LCP2: variants seen among roughly 807,000 people sequenced by gnomAD.
LCP2 encodes the protein 76 kDa tyrosine phosphoprotein.
A neutral mutation model predicts 74.5 loss-of-function variants in LCP2; 29 were observed. That is an observed-to-expected ratio of 0.39 (90% CI 0.29 to 0.53). LCP2 has a LOEUF of 0.53. Ranked by LOEUF, LCP2 falls within the 20% of genes least tolerant of loss-of-function variation. The probability of loss-of-function intolerance (pLI) is 0.72; values close to 1 mark genes in which losing one functional copy is unlikely to be tolerated. For missense variants in LCP2, 604 were observed against 634.6 expected (o/e 0.95, Z 0.52); for synonymous variants, 228 against 229.5 (o/e 0.99, Z 0.06).
intron 3 of LCP2, among the ~76,000 whole-genome samples, chr5:170,276,249 G>C (rs1031103884): frequency 2.0e-5 from 3 of 152,146 alleles, no homozygotes; most frequent in Non-Finnish European, 4.4e-5. Flanking sequence ...TGGGGCTGAG[G>C]TCCCCTGGCT....
intron 13 of LCP2, 130 bp downstream of exon 13, chr5:170,262,505 G>A: frequency 1.6e-6 from 1 of 644,022 alleles, no homozygotes; most frequent in Non-Finnish European, 2.7e-6. Flanking sequence ...CATCCCTCAA[G>A]CCACAGCAAG....
At position 170,283,416 on chromosome 5, in the gene LCP2, C is replaced by A. The variant is rs73804028; in HGVS notation, c.188+4554G>T. On this transcript the variant is annotated intron_variant, in intron 3 of 20. Coordinates refer to ENST00000046794, the MANE Select transcript of LCP2 (RefSeq NM_005565.5). ...AAAAGGATCTTCCAAGCTGAAAGTG[C>A]CTTCTTTATCTCTGTCCTTCCACTG... 6.6e-3 allele frequency among the ~76,000 whole-genome samples: 1,012 copies of A among 152,308 alleles called. 10 individuals carry two copies. Among genetic ancestry groups the A allele is most frequent in the African/African-American group, 0.023 (968 of 41,564 alleles).
chr5:170,294,848 G>C (rs552977467), intron 1 of LCP2, among the ~76,000 whole-genome samples: 2 of 152,340 alleles, frequency 1.3e-5, no homozygotes, highest in African/African-American at 4.8e-5. Flanking sequence ...ATTTTGAAGA[G>C]TGCTAACTTT....
chr5:170,289,277 T>C (rs1309685205), intron 2 of LCP2, among the ~76,000 whole-genome samples: 3 of 152,226 alleles, frequency 2.0e-5, no homozygotes, highest in Non-Finnish European at 4.4e-5. Flanking sequence ...TTACTACCCC[T>C]GGTGGGGAAG....
intron 3 of LCP2, among the ~76,000 whole-genome samples, chr5:170,283,803 T>C (rs1230590142): frequency 6.6e-6 from 1 of 152,212 alleles, no homozygotes; most frequent in Non-Finnish European, 1.5e-5. Context: ...GCCTCTGTAA[T>C]ATGTTCCCAT....
At chr5:170,295,364 G>A (rs1468182697) in intron 1 of LCP2, among the ~76,000 whole-genome samples, 1 of 152,178 alleles carries the variant, frequency 6.6e-6, no homozygotes, top group Non-Finnish European at 1.5e-5. Context: ...GAAGGAACAC[G>A]CATTAGGATC....
Position 170,256,160 on chromosome 5 carries a change from C to CATGT in LCP2, c.1150+362_1150+365dup. Among the ~76,000 whole-genome samples, 1 of 151,964 alleles carries CATGT rather than the reference C, an allele frequency of 6.6e-6. No individual in the cohort carries two copies. Among genetic ancestry groups the CATGT allele is most frequent in the Middle Eastern group, 3.4e-3 (1 of 294 alleles). On this transcript the variant is annotated intron_variant, in intron 17 of 20. Transcript: ENST00000046794. The surrounding 1 kb of genome is among the most constrained non-coding windows in gnomAD (Gnocchi z 4.5). ...CTGGTGAAGTGTGTGTAGGTGTGTC[C>CATGT]ATGTATGTATGTGTGTATGCATGTG...
At chr5:170,277,240 G>A (rs1268646745) in intron 3 of LCP2, among the ~76,000 whole-genome samples, 1 of 152,026 alleles carries the variant, frequency 6.6e-6, no homozygotes, top group East Asian at 1.9e-4. Context: ...TTCCCTTTCT[G>A]CTGCAAGCTC....
intron 2 of LCP2, among the ~76,000 whole-genome samples, chr5:170,290,882 C>A (rs315725): frequency 0.082 from 12,240 of 149,574 alleles, 711 homozygotes; most frequent in African/African-American, 0.16. Context: ...AAGGATCTAA[C>A]CTTTTCAGTG....
chr5:170,289,861 C>T (rs1286562913), intron 2 of LCP2, among the ~76,000 whole-genome samples: 3 of 151,128 alleles, frequency 2.0e-5, no homozygotes, highest in East Asian at 3.9e-4. Flanking sequence ...GGAGTTGAAG[C>T]CTTCCTAAGG....
intron 3 of LCP2, among the ~76,000 whole-genome samples, chr5:170,284,024 G>A (rs920001250): frequency 6.6e-6 from 1 of 152,210 alleles, no homozygotes; most frequent in African/African-American, 2.4e-5. Context: ...TGAGTGTCCT[G>A]AGGATGAGGA....
rs1762017478 is a variant in LCP2, at chr5:170,276,983, G to A, written c.189-1123C>T. On this transcript the variant is annotated intron_variant, in intron 3 of 20. Transcript: ENST00000046794. The stretch of plus-strand genomic sequence containing the variant: ...CCCAGCTACTTGGGAGACTGAGGCA[G>A]AAGAATCACTTGAACCTGGGAGGTG... Among the ~76,000 whole-genome samples, 3 of 147,684 alleles carry A rather than the reference G, an allele frequency of 2.0e-5. No homozygotes were observed. The South Asian group carries it at 6.5e-4, about 32-fold the overall frequency.
chr5:170,266,923 A>C (rs1369246123), intron 9 of LCP2, 32 bp from the exon 10 acceptor site: 1 of 1,608,026 alleles, frequency 6.2e-7, no homozygotes, highest in African/African-American at 1.3e-5. Context: ...ATCAATTAAA[A>C]GAAGAAAGCA....
At chr5:170,262,911 A>G (rs778355801) in intron 11 of LCP2, 50 bp from the exon 12 acceptor site, 1 of 1,614,060 alleles carries the variant, frequency 6.2e-7, no homozygotes, top group South Asian at 1.1e-5. Flanking sequence ...TTTTCAAAGA[A>G]TAAGGACAAG....
chr5:170,250,944 G>T, intron 19 of LCP2, 59 bp from the exon 20 acceptor site: 2 of 1,410,122 alleles, frequency 1.4e-6, no homozygotes, highest in Non-Finnish European at 2.0e-6. Flanking sequence ...TTTGTTGCTT[G>T]TAAGAGTAGT....
intron 2 of LCP2, among the ~76,000 whole-genome samples, chr5:170,289,629 CTTTCT>C (rs1762245293): frequency 9.9e-6 from 1 of 101,210 alleles, no homozygotes; most frequent in Non-Finnish European, 2.0e-5. Flanking sequence ...TTCTTTCTTT[CTTTCT>C]TTCTTTCTTT....
chr5:170,293,249 A>C, intron 2 of LCP2, 61 bp downstream of exon 2: 3 of 1,517,396 alleles, frequency 2.0e-6, no homozygotes, highest in Non-Finnish European at 2.7e-6. Context: ...TTGGCCCTGC[A>C]GCCATGGGGA....
chr5:170,254,135 C>T (rs556296658), intron 17 of LCP2, among the ~76,000 whole-genome samples: 1 of 152,250 alleles, frequency 6.6e-6, no homozygotes, highest in South Asian at 2.1e-4. Context: ...CTCACAGCAA[C>T]ATTACAAGGT....
At chr5:170,254,756 G>C (rs1246789144) in intron 17 of LCP2, among the ~76,000 whole-genome samples, 2 of 152,178 alleles carry the variant, frequency 1.3e-5, no homozygotes, top group Non-Finnish European at 2.9e-5. Context: ...CAGCATCATA[G>C]AGTTCTAAGT....
Sources: allele counts gnomAD v4.1 joint callset (sites outside exome capture counted in the v4.1 genomes callset), GRCh38; gene constraint gnomAD v4.1.1; non-coding constraint Gnocchi (gnomAD v3.1); transcripts MANE v1.5; gene names NCBI Gene and HGNC (gene_info 2026-07-23, HGNC 2026-07-21).